The following LPXN variants were observed in gnomAD, a reference collection of about 807,000 sequenced individuals.
LPXN encodes the protein leupaxin.
A neutral mutation model predicts 45.6 loss-of-function variants in LPXN; 28 were observed. That is an observed-to-expected ratio of 0.61 (90% CI 0.45 to 0.84). The LOEUF (loss-of-function observed/expected upper bound fraction) is 0.84. Among genes scored for constraint, LPXN ranks in the 40% least tolerant of loss-of-function variants. The pLI is 0.00. For synonymous variants in LPXN, 166 were observed against 169.9 expected (o/e 0.98, Z 0.18); for missense variants, 459 against 475.0 (o/e 0.97, Z 0.31).
At chr11:58,545,482 T>C (rs1365827551) in intron 7 of LPXN, among the ~76,000 whole-genome samples, 1 of 152,208 alleles carries the variant, frequency 6.6e-6, no homozygotes, top group Non-Finnish European at 1.5e-5. Context: ...TGTGACACAA[T>C]TTAAGATGAT....
At chr11:58,564,024 A>G in intron 3 of LPXN, 131 bp downstream of exon 3, 2 of 616,818 alleles carry the variant, frequency 3.2e-6, no homozygotes. Flanking sequence ...CTCAAAGACT[A>G]TGGAAAGAGG....
upstream of LPXN, among the ~76,000 whole-genome samples, chr11:58,578,671 AAAG>A (rs1052199268): frequency 2.0e-5 from 3 of 152,244 alleles, no homozygotes; most frequent in East Asian, 5.8e-4. Context: ...TCTGCGGCCT[AAAG>A]AAGAATAGAA....
chr11:58,571,158 C>A (rs1386655940), intron 1 of LPXN, among the ~76,000 whole-genome samples: 1 of 151,890 alleles, frequency 6.6e-6, no homozygotes, highest in Non-Finnish European at 1.5e-5. Context: ...GGCAACATAG[C>A]AAAATCCAGT....
chr11:58,545,940 A>C (rs1163904328), intron 7 of LPXN, among the ~76,000 whole-genome samples: 1 of 152,186 alleles, frequency 6.6e-6, no homozygotes, highest in Non-Finnish European at 1.5e-5. Flanking sequence ...AACCATATAC[A>C]TAATAATATG....
At chr11:58,560,120 T>C (rs1456081587) in intron 3 of LPXN, among the ~76,000 whole-genome samples, 3 of 152,212 alleles carry the variant, frequency 2.0e-5, no homozygotes, top group Non-Finnish European at 4.4e-5. Flanking sequence ...GTTTTGTATC[T>C]TAAGTTATAT....
chr11:58,527,624 C>T lies in LPXN; in HGVS notation c.991G>A (p.Gly331Arg). 6.2e-7 allele frequency: 1 copy of T among 1,614,200 alleles called. No individual in the cohort carries two copies. The highest frequency in any genetic ancestry group is 8.5e-7 in the Non-Finnish European group (1 of 1,180,042). Residue 331 changes from glycine (G) to arginine (R), a missense_variant, in exon 9 of 9, where the codon GGG becomes AGG. Physicochemically the swap from Gly to Arg is moderately radical, Grantham distance 125. Transcript: ENST00000395074. ...CGGCCAGTGATGGGCTGCCCACACCCATGGCAGAGCGTTCCCCGGCGGTGA... is the reference window on the plus strand; with the variant it reads ...CGGCCAGTGATGGGCTGCCCACACCTATGGCAGAGCGTTCCCCGGCGGTGA... Reference protein sequence around the residue: ...YHHRRGTLCHGCGQPITGRCI... With the variant: ...YHHRRGTLCHRCGQPITGRCI...
chr11:58,529,758 AG>A (rs923652013), intron 7 of LPXN, among the ~76,000 whole-genome samples: 2 of 152,240 alleles, frequency 1.3e-5, no homozygotes, highest in African/African-American at 4.8e-5. Flanking sequence ...ATGACCGAAT[AG>A]GAACAGCTCA....
At chr11:58,563,396 C>A (rs549263179) in intron 3 of LPXN, among the ~76,000 whole-genome samples, 1 of 152,284 alleles carries the variant, frequency 6.6e-6, no homozygotes, top group South Asian at 2.1e-4. Flanking sequence ...ACAGTTCTTG[C>A]CTTATTTTTG....
chr11:58,578,739 T>C (rs978003339), upstream of LPXN, among the ~76,000 whole-genome samples: 2 of 150,448 alleles, frequency 1.3e-5, no homozygotes, highest in African/African-American at 4.9e-5. Flanking sequence ...GCGCAGCCAG[T>C]CTAGGGTTTG....
Position 58,564,151 on chromosome 11 carries a change from A to C in LPXN, c.218+4T>G, listed in dbSNP as rs371409729. On this transcript the variant is annotated splice_donor_region_variant and intron_variant, in intron 3 of 8. Transcript: ENST00000395074. ...TTAAAAGCATTTAATAGAAAAAAAA[A>C]TACCTGTAGACATTGAGCTCCTGGA... 5.7e-6 allele frequency: 9 copies of C among 1,571,116 alleles called. No homozygotes were observed. The highest frequency in any genetic ancestry group is 5.5e-5 in the African/African-American group (4 of 72,948).
intron 7 of LPXN, among the ~76,000 whole-genome samples, chr11:58,533,440 G>T (rs1046736297): frequency 2.1e-4 from 32 of 152,140 alleles, no homozygotes; most frequent in African/African-American, 7.0e-4. Context: ...AAACAAAAGA[G>T]AAATAAAATT....
intron 3 of LPXN, among the ~76,000 whole-genome samples, chr11:58,563,436 C>G (rs1854436822): frequency 6.6e-6 from 1 of 152,172 alleles, no homozygotes; most frequent in East Asian, 1.9e-4. Context: ...TGACTGCAAT[C>G]CTGAAACCAA....
At chr11:58,564,806 T>A (rs531939021) in intron 2 of LPXN, among the ~76,000 whole-genome samples, 17 of 152,046 alleles carry the variant, frequency 1.1e-4, no homozygotes, top group Non-Finnish European at 2.2e-4. Context: ...GGATGGGAAG[T>A]GGGGAGAGAC....
intron 2 of LPXN, 112 bp from the exon 3 acceptor site, chr11:58,564,313 G>T: frequency 1.4e-6 from 1 of 718,048 alleles, no homozygotes; most frequent in Non-Finnish European, 2.4e-6. Flanking sequence ...AAAGGGGACT[G>T]ACAAGTGGCA....
upstream of LPXN, chr11:58,575,940 CT>C (rs753299345): frequency 0.13 from 140,438 of 1,043,160 alleles, 28 homozygotes; most frequent in South Asian, 0.16. Flanking sequence ...ATTTGGTGAG[CT>C]TTTTTTTTTT....
chr11:58,529,526 C>T (rs1038855667), intron 7 of LPXN, among the ~76,000 whole-genome samples: 3 of 149,940 alleles, frequency 2.0e-5, no homozygotes, highest in South Asian at 2.1e-4. Flanking sequence ...AGGAGAATGG[C>T]GTAAACCCGG....
intron 3 of LPXN, among the ~76,000 whole-genome samples, chr11:58,561,225 A>G (rs1377781379): frequency 6.6e-6 from 1 of 152,222 alleles, no homozygotes; most frequent in Non-Finnish European, 1.5e-5. Flanking sequence ...ATGAAAACAT[A>G]CATTTACTAC....
chr11:58,578,169 G>A (rs753548269), upstream of LPXN: 687 of 1,319,812 alleles, frequency 5.2e-4, no homozygotes, highest in Non-Finnish European at 6.6e-4. Context: ...GAAAAAGTAG[G>A]AAAAACCCTC....
intron 1 of LPXN, among the ~76,000 whole-genome samples, chr11:58,574,842 A>AT (rs1159537637): frequency 4.0e-5 from 6 of 151,888 alleles, no homozygotes; most frequent in South Asian, 4.2e-4. Context: ...ATCACACGCC[A>AT]TTTTTTTTAA....
Sources: gnomAD v4.1 joint callset for allele counts (sites outside exome capture counted in the v4.1 genomes callset) on GRCh38, gnomAD v4.1.1 for gene constraint, MANE v1.5 for transcripts, NCBI Gene and HGNC (gene_info 2026-07-23, HGNC 2026-07-21) for gene names.